The following PRKDC variants were observed in gnomAD, a reference collection of about 807,000 sequenced individuals.
The protein encoded by PRKDC is DNA-dependent protein kinase catalytic subunit.
Under a neutral mutation model 486.9 loss-of-function variants are expected in PRKDC, and 82 were observed. That is an observed-to-expected ratio of 0.17 (90% confidence interval 0.14 to 0.20). The LOEUF is 0.20. Among genes scored for constraint, PRKDC ranks in the 10% least tolerant of loss-of-function variants. The pLI is 1.00. For synonymous variants in PRKDC, 1,895 were observed against 1,837.0 expected, an observed-to-expected ratio of 1.03 and a Z score of -0.81; for missense variants, 4,504 against 5,038.2, an observed-to-expected ratio of 0.89 and a Z score of 3.21.
rs2089386829 is a variant in PRKDC at position 47,888,579 on chromosome 8, ACAGCAGC to A, written c.4345_4351del (p.Ala1449LeufsTer53). ...GTGAAGCTGTTTACAGGCAGACACA[ACAGCAGC>A]CAGCCTGCTCCTGTCCACTTGCGCG... On this transcript the variant is annotated frameshift_variant, in exon 34 of 86. Transcript: ENST00000314191. LOFTEE classifies it high-confidence loss of function. The A allele has an allele frequency of 6.3e-7, 1 of 1,588,544 alleles. No homozygotes were observed. Among genetic ancestry groups the A allele is most frequent in the African/African-American group, 1.3e-5 (1 of 74,408 alleles).
intron 83 of PRKDC, 27 bp from the exon 84 acceptor site, chr8:47,777,901 G>C: frequency 6.2e-7 from 1 of 1,602,330 alleles, no homozygotes; most frequent in Non-Finnish European, 8.5e-7. Flanking sequence ...GCAAGGAGCA[G>C]AATATGTAAG....
At chr8:47,930,128 T>TA in intron 17 of PRKDC, 116 bp from the exon 18 acceptor site, 5 of 868,130 alleles carry the variant, frequency 5.8e-6, no homozygotes, top group Non-Finnish European at 8.7e-6. Context: ...TTTTGAGGTA[T>TA]CCTAAAATGT....
At chr8:47,845,371 G>A (rs763295297) in intron 54 of PRKDC, among the ~76,000 whole-genome samples, 18 of 152,074 alleles carry the variant, frequency 1.2e-4, no homozygotes, top group Non-Finnish European at 2.4e-4. Context: ...AAGAATAAAC[G>A]AGATAGACCA....
At chr8:47,801,019 T>G in intron 70 of PRKDC, 33 bp from the exon 71 acceptor site, 1 of 1,575,244 alleles carries the variant, frequency 6.3e-7, no homozygotes, top group Non-Finnish European at 8.7e-7. Context: ...CAAAACAAAA[T>G]TTTGTATGTG....
intron 69 of PRKDC, 54 bp from the exon 70 acceptor site, chr8:47,803,534 G>C (rs914043563): frequency 6.4e-7 from 1 of 1,572,860 alleles, no homozygotes; most frequent in South Asian, 1.1e-5. Flanking sequence ...ACAAGTGACA[G>C]AAGTTTCTAA....
rs1457425213 is a variant in PRKDC at position 47,862,364 on chromosome 8, G to C, written c.5919+9C>G. ...AATAACAATAGTGCACACCGTAGGAGTGGCCTACCTTTTCTGGTTTTTCAC... is the reference window on the plus strand; with the variant it reads ...AATAACAATAGTGCACACCGTAGGACTGGCCTACCTTTTCTGGTTTTTCAC... On this transcript the variant is annotated intron_variant, in intron 43 of 85. Coordinates refer to ENST00000314191, the MANE Select transcript of PRKDC (RefSeq NM_006904.7). 3 of 1,611,760 alleles carry C rather than the reference G, an allele frequency of 1.9e-6. No individual in the cohort carries two copies. The highest frequency in any genetic ancestry group is 2.2e-5 in the East Asian group (1 of 44,884).
chr8:47,800,157 A>G (rs2087071065), intron 71 of PRKDC, among the ~76,000 whole-genome samples: 2 of 152,096 alleles, frequency 1.3e-5, no homozygotes, highest in South Asian at 2.1e-4. Context: ...ACACATGCAC[A>G]CGTATGTTTA....
At chr8:47,824,068 G>T in intron 63 of PRKDC, 72 bp from the exon 64 acceptor site, 1 of 1,329,138 alleles carries the variant, frequency 7.5e-7, no homozygotes, top group African/African-American at 1.5e-5. Context: ...CTAATGAAAT[G>T]ATAGTAAATC....
At chr8:47,943,948 A>T in intron 8 of PRKDC, 26 bp downstream of exon 8, 1 of 1,554,064 alleles carries the variant, frequency 6.4e-7, no homozygotes, top group Non-Finnish European at 8.8e-7. Flanking sequence ...GCATTAGAAT[A>T]ATATTAATAG....
At chr8:47,955,418 C>T (rs1331699709) in intron 4 of PRKDC, among the ~76,000 whole-genome samples, 3 of 141,288 alleles carry the variant, frequency 2.1e-5, no homozygotes, top group Admixed American at 7.1e-5. Flanking sequence ...GCCGAGATCC[C>T]GCCACTGCAC....
chr8:47,816,205 T>A (rs1326202058), intron 68 of PRKDC, among the ~76,000 whole-genome samples: 21 of 130,512 alleles, frequency 1.6e-4, no homozygotes, highest in Non-Finnish European at 2.6e-4. Flanking sequence ...AAAGACTGCA[T>A]CAAAAAAAAA....
At chr8:47,931,437 A>C (rs2090250122) in intron 16 of PRKDC, among the ~76,000 whole-genome samples, 1 of 152,292 alleles carries the variant, frequency 6.6e-6, no homozygotes, top group East Asian at 1.9e-4. Flanking sequence ...CAATGAACAC[A>C]CATGTTCTAA....
intron 69 of PRKDC, 25 bp from the exon 70 acceptor site, chr8:47,803,505 GA>G: frequency 1.9e-6 from 3 of 1,610,794 alleles, no homozygotes; most frequent in Non-Finnish European, 2.5e-6. Flanking sequence ...TAAAAAGAGA[GA>G]AGGTGGTATG....
At chr8:47,848,928 G>A (rs574128188) in intron 54 of PRKDC, among the ~76,000 whole-genome samples, 11 of 152,248 alleles carry the variant, frequency 7.2e-5, no homozygotes, top group African/African-American at 1.4e-4. Flanking sequence ...TGAAAAACAC[G>A]CCCTGGGATG....
At chr8:47,860,745 A>G (rs552389812) in intron 45 of PRKDC, among the ~76,000 whole-genome samples, 154 bp downstream of exon 45, 2 of 152,326 alleles carry the variant, frequency 1.3e-5, no homozygotes, top group African/African-American at 4.8e-5. Flanking sequence ...GCCACTTAAA[A>G]TACTTTTTCA....
intron 66 of PRKDC, 41 bp downstream of exon 66, chr8:47,820,665 ATATATATATACAC>A: frequency 2.4e-6 from 2 of 847,658 alleles, no homozygotes; most frequent in Non-Finnish European, 3.1e-6. Context: ...CCACATTATA[ATATATATATACAC>A]TATATATATA....
At chr8:47,949,811 A>G (rs993456040) in intron 7 of PRKDC, among the ~76,000 whole-genome samples, 4 of 152,212 alleles carry the variant, frequency 2.6e-5, no homozygotes, top group African/African-American at 9.6e-5. Context: ...TACTCTAACA[A>G]TCTTGATAAG....
intron 22 of PRKDC, among the ~76,000 whole-genome samples, chr8:47,916,397 C>T (rs2089983443): frequency 6.6e-6 from 1 of 151,638 alleles, no homozygotes; most frequent in South Asian, 2.1e-4. Context: ...GCAGTGAGCA[C>T]TCCAGCCTGG....
chr8:47,886,981 T>G (rs1399502194), intron 35 of PRKDC, among the ~76,000 whole-genome samples: 1 of 152,200 alleles, frequency 6.6e-6, no homozygotes, highest in Non-Finnish European at 1.5e-5. Flanking sequence ...AGGGTGAGTA[T>G]TTTTAGACAA....
Sources: gnomAD v4.1 joint callset for allele counts (sites outside exome capture counted in the v4.1 genomes callset) on GRCh38, gnomAD v4.1.1 for gene constraint, MANE v1.5 for transcripts, NCBI Gene and HGNC (gene_info 2026-07-23, HGNC 2026-07-21) for gene names.